Variants in NBPF26 observed in about 807,000 individuals in gnomAD.
NBPF26 encodes the protein NBPF family member NBPF26.
NBPF26 carries 79 observed loss-of-function variants against 119.6 expected under a neutral mutation model. The ratio of observed to expected loss-of-function variants is 0.66; its 90% CI spans 0.55 to 0.80. The LOEUF (loss-of-function observed/expected upper bound fraction) is 0.80, where lower values mean the gene tolerates loss of function less well. Among genes scored for constraint, NBPF26 ranks in the 30% least tolerant of loss-of-function variants. The pLI, the probability that NBPF26 is intolerant of heterozygous loss-of-function variation, is 0.00. For synonymous variants in NBPF26, 299 were observed against 457.7 expected (o/e 0.65, Z 4.43); for missense variants, 800 against 1,198.2 (o/e 0.67, Z 4.91).
chr1:120,811,815 T>A (rs1651873918), intron 9 of NBPF26, 71 bp from the exon 10 acceptor site: 1 of 700,586 alleles, frequency 1.4e-6, no homozygotes, highest in Non-Finnish European at 2.5e-6. Context: ...GTGACATCCC[T>A]CAGTCCTGAT....
chr1:120,724,364 G>A, intron 1 of NBPF26, 114 bp downstream of exon 1: 2 of 1,350,036 alleles, frequency 1.5e-6, no homozygotes, highest in Non-Finnish European at 1.9e-6. Context: ...CCGCCGGCGC[G>A]GAGTGAGGCC....
intron 2 of NBPF26, among the ~76,000 whole-genome samples, chr1:120,781,677 C>A (rs1651362926): frequency 1.3e-5 from 1 of 75,926 alleles, no homozygotes; most frequent in Non-Finnish European, 2.3e-5. Flanking sequence ...CATTCTCCTG[C>A]CTCAGCCTCC....
chr1:120,842,228 A>G (rs1204618532), downstream of NBPF26, among the ~76,000 whole-genome samples: 1 of 114,406 alleles, frequency 8.7e-6, no homozygotes, highest in Admixed American at 8.5e-5. Flanking sequence ...TTTATTTTCT[A>G]ATCTCTTCCA....
chr1:120,840,416 T>G lies in NBPF26; in HGVS notation c.4170T>G (p.Tyr1390Ter). ...TGCAGGACTCACTGGATATATGTTA[T>G]TCGACTCCGTCAATGTACTTTGAAC... The change falls in exon 30 of 30, where the codon TAT (tyrosine) becomes TAG (stop). Residue 1390 changes from tyrosine to a stop codon, truncating the protein, a stop_gained. Transcript: ENST00000620612. LOFTEE classifies it low-confidence loss of function (END_TRUNC). 6.8e-7 allele frequency: 1 copy of G among 1,466,498 alleles called. No homozygotes were observed. Among genetic ancestry groups the G allele is most frequent in the South Asian group, 1.2e-5 (1 of 84,500 alleles). The allele number at this position is 1,466,498 out of a possible 1,614,324, so 90.8% of individuals were successfully genotyped here. A position where few individuals can be genotyped will look rare whatever the true frequency, so the allele number is the denominator to read the frequency against.
rs1392356995 is a variant in NBPF26, at chr1:120,811,657, C to T, written c.1565-229C>T. On this transcript the variant is annotated intron_variant, in intron 9 of 29. Coordinates refer to ENST00000620612, the Ensembl canonical transcript of NBPF26. ...AGGGCCAAGCCTTGCTTTATAGAAA[C>T]GTATAAGCAAGAAAAGTGTAGAAGT... is the stretch of plus-strand genomic sequence containing the variant. 1.2e-4 allele frequency among the ~76,000 whole-genome samples: 14 copies of T among 113,730 alleles called. 6 individuals are homozygous for T. The highest frequency in any genetic ancestry group is 7.4e-4 in the South Asian group (3 of 4,052). The allele number at this position is 113,730 out of a possible 152,430, so 74.6% of individuals were successfully genotyped here.
rs1478480954 is a variant in NBPF26, at chr1:120,778,436, A to C, written c.156-6538A>C. ...TGAGGAGCAGCTTCAGTGCCGACGC[A>C]ACCCACATGAGACTTTTTTTTCCCC... On this transcript the variant is annotated intron_variant, in intron 2 of 29. Transcript: ENST00000620612. Among the ~76,000 whole-genome samples the C allele has an allele frequency of 1.8e-5, 2 of 112,006 alleles. 1 individual carries two copies. The allele number at this position is 112,006 out of a possible 152,430, so 73.5% of individuals were successfully genotyped here. A position where few individuals can be genotyped will look rare whatever the true frequency, so the allele number is the denominator to read the frequency against.
intron 17 of NBPF26, 83 bp downstream of exon 17, chr1:120,823,443 A>G (rs2101536216): frequency 1.4e-6 from 1 of 737,188 alleles, no homozygotes; most frequent in Admixed American, 2.0e-5. Context: ...CATGCTGAAA[A>G]TAATGATTTT....
intron 10 of NBPF26, among the ~76,000 whole-genome samples, chr1:120,812,909 C>T (rs1199573720): frequency 5.9e-5 from 6 of 102,414 alleles, no homozygotes; most frequent in Non-Finnish European, 1.1e-4. Context: ...GGCGACAGGG[C>T]AAGACTGCTA....
At position 120,724,682 on chromosome 1, in the gene NBPF26, C is replaced by G. The variant is rs1476913273; in HGVS notation, c.73+432C>G. ...GCGTGGAGAGCGGGGGCAGGGCCGCCAAGCCAAACGGCCTGCAGCTTCGCA... is the reference window on the plus strand; with the variant it reads ...GCGTGGAGAGCGGGGGCAGGGCCGCGAAGCCAAACGGCCTGCAGCTTCGCA... On this transcript the variant is annotated intron_variant, in intron 1 of 29. Coordinates refer to ENST00000620612, the Ensembl canonical transcript of NBPF26. Among the ~76,000 whole-genome samples the G allele has an allele frequency of 1.4e-4, 17 of 124,434 alleles. 4 individuals carry two copies. Among genetic ancestry groups the G allele is most frequent in the Non-Finnish European group, 2.1e-4 (13 of 61,400 alleles). The allele number at this position is 124,434 out of a possible 152,430, so 81.6% of individuals were successfully genotyped here. A position where few individuals can be genotyped will look rare whatever the true frequency, so the allele number is the denominator to read the frequency against.
chr1:120,813,473 G>A (rs1223863505), intron 10 of NBPF26, among the ~76,000 whole-genome samples: 1 of 127,174 alleles, frequency 7.9e-6, no homozygotes, highest in East Asian at 2.0e-4. Context: ...GAAATTCCCA[G>A]TAAAAGGGAA....
rs1425629725 is a variant in NBPF26 at position 120,805,447 on chromosome 1, C to T, written c.752-109C>T. 21 of 1,371,382 alleles carry T rather than the reference C, an allele frequency of 1.5e-5. 5 individuals are homozygous for T. Among genetic ancestry groups the T allele is most frequent in the Non-Finnish European group, 2.1e-5 (21 of 1,016,658 alleles). 85.0% of individuals were successfully genotyped at this position (1,371,382 alleles called of 1,614,324 possible). ...TGCTGTGGGGAGTGATCACATTTTT[C>T]ACAACAGTAAGGTAAGAATTTCAGT... On this transcript the variant is annotated intron_variant, in intron 4 of 29. Coordinates refer to ENST00000620612, the Ensembl canonical transcript of NBPF26.
chr1:120,784,580 T>A (rs1174654434), intron 2 of NBPF26, among the ~76,000 whole-genome samples: 1 of 117,994 alleles, frequency 8.5e-6, no homozygotes, highest in Non-Finnish European at 1.6e-5. Context: ...CTTCTCTGAT[T>A]TTCCTATTCT....
chr1:120,832,369 G>A (rs1413844888), intron 22 of NBPF26, among the ~76,000 whole-genome samples: 8 of 101,020 alleles, frequency 7.9e-5, no homozygotes, highest in African/African-American at 1.5e-4. Flanking sequence ...CCTAGTCTCA[G>A]GCCATACCTG....
rs1419462376 is a variant in NBPF26 at position 120,790,698 on chromosome 1, C to T, written c.416-2463C>T. 9.0e-5 allele frequency among the ~76,000 whole-genome samples: 10 copies of T among 110,888 alleles called. 4 individuals are homozygous for T. Among genetic ancestry groups the T allele is most frequent in the South Asian group, 5.3e-4 (2 of 3,762 alleles). 72.7% of individuals were successfully genotyped at this position (110,888 alleles called of 152,430 possible). A position where few individuals can be genotyped will look rare whatever the true frequency, so the allele number is the denominator to read the frequency against. On this transcript the variant is annotated intron_variant, in intron 3 of 29. Coordinates refer to ENST00000620612, the Ensembl canonical transcript of NBPF26. ...CACTGCAACCTCCACCTCTTGGGTT[C>T]GAGTGATTCTTGTGCCTCAGCCTCC...
chr1:120,793,310 C>T, exon 4 of NBPF26: 2 of 1,400,506 alleles, frequency 1.4e-6, no homozygotes, highest in Non-Finnish European at 1.9e-6. Flanking sequence ...GTGTGACATT[C>T]CAGGACACTG....
intron 7 of NBPF26, among the ~76,000 whole-genome samples, chr1:120,809,552 G>A (rs1553270671): frequency 7.9e-5 from 12 of 151,918 alleles, no homozygotes; most frequent in Admixed American, 3.3e-4. Context: ...GAGAGAGGCT[G>A]CACAAGCCTC....
chr1:120,789,999 A>G (rs1250258757), intron 3 of NBPF26, among the ~76,000 whole-genome samples: 3 of 73,020 alleles, frequency 4.1e-5, no homozygotes, highest in Non-Finnish European at 7.0e-5. Context: ...GTTCTGCAAG[A>G]TTCTGATCAC....
At chr1:120,818,496 TG>T (rs1652059171) in intron 15 of NBPF26, among the ~76,000 whole-genome samples, 2 of 125,014 alleles carry the variant, frequency 1.6e-5, no homozygotes, top group African/African-American at 3.8e-5. Flanking sequence ...AGTTCTGCTC[TG>T]ATCTTAGTTA....
intron 1 of NBPF26, among the ~76,000 whole-genome samples, chr1:120,724,718 C>CAG (rs1650799018): frequency 8.1e-6 from 1 of 123,684 alleles, no homozygotes; most frequent in Non-Finnish European, 1.6e-5. Flanking sequence ...GCCAGCCTCG[C>CAG]CTTTGCCAGG....
Sources: allele counts gnomAD v4.1 joint callset (sites outside exome capture counted in the v4.1 genomes callset), GRCh38; gene constraint gnomAD v4.1.1; transcripts MANE v1.5; gene names NCBI Gene and HGNC (gene_info 2026-07-23, HGNC 2026-07-21).